TRIM10: variants seen among roughly 807,000 people sequenced by gnomAD.
The protein encoded by TRIM10 is tripartite motif-containing protein 10.
A neutral mutation model predicts 40.0 loss-of-function variants in TRIM10; 42 were observed. That is an observed-to-expected ratio of 1.05 (90% CI 0.82 to 1.36). The LOEUF is 1.36. Among genes scored for constraint, TRIM10 ranks in the 40% most tolerant of loss-of-function variants. The pLI is 0.00. For synonymous variants in TRIM10, 260 were observed against 239.5 expected, an observed-to-expected ratio of 1.09 and a Z score of -0.79; for missense variants, 601 against 608.3, an observed-to-expected ratio of 0.99 and a Z score of 0.13.
At chr6:30,159,775 C>T (rs949797938) in intron 1 of TRIM10, among the ~76,000 whole-genome samples, 5 of 151,846 alleles carry the variant, frequency 3.3e-5, no homozygotes, top group African/African-American at 1.2e-4. Flanking sequence ...GGAACAGGTA[C>T]ACACACGATA....
At position 30,153,900 on chromosome 6, in the gene TRIM10, A is replaced by G; in HGVS notation, c.*69T>C. The G allele has an allele frequency of 7.6e-6, 12 of 1,584,874 alleles. No homozygotes were observed. The highest frequency in any genetic ancestry group is 9.5e-6 in the Non-Finnish European group (11 of 1,163,620). ...AGTCATCCAGGTGATTCAGCCAGGG[A>G]TCAAGTCCACATGGTACTTGGGTTG... On this transcript the variant is annotated 3_prime_UTR_variant, in exon 7 of 7. Transcript: ENST00000449742.
At position 30,158,622 on chromosome 6, in the gene TRIM10, A is replaced by G; in HGVS notation, c.533T>C (p.Val178Ala). ...AATCACCTGTTGTCTCTTGGTGGAC[A>G]CCTGAGTCTGAGGGGGCAGGAGGCA... ...NKRMQVLLTQ[V>A]STKRQQVISE... Residue 178 changes from valine (V) to alanine (A), a missense_variant, in exon 3 of 7, where the codon GTG becomes GCG. Physicochemically the swap from Val to Ala is moderately conservative, Grantham distance 64. Transcript: ENST00000449742. 6.2e-7 allele frequency: 1 copy of G among 1,612,906 alleles called. No homozygotes were observed. Among genetic ancestry groups the G allele is most frequent in the African/African-American group, 1.3e-5 (1 of 75,030 alleles).
At chr6:30,158,693 C>T in intron 2 of TRIM10, 64 bp from the exon 3 acceptor site, 1 of 1,277,262 alleles carries the variant, frequency 7.8e-7, no homozygotes, top group Non-Finnish European at 1.1e-6. Flanking sequence ...TGCTCCTCTT[C>T]CTCCCCTGTC....
intron 5 of TRIM10, 83 bp downstream of exon 5, chr6:30,156,856 T>C: frequency 4.9e-6 from 6 of 1,232,418 alleles, no homozygotes; most frequent in Non-Finnish European, 7.2e-6. Context: ...AAGTCACACC[T>C]TTCAGCAGTG....
rs116287299 is a variant in TRIM10 at position 30,156,362 on chromosome 6, G to A, written c.895+577C>T. Among the ~76,000 whole-genome samples the A allele has an allele frequency of 5.6e-3, 859 of 152,242 alleles. 3 individuals are homozygous for A. The highest frequency in any genetic ancestry group is 0.011 in the African/African-American group (439 of 41,540). The stretch of plus-strand genomic sequence containing the variant: ...ATTCTGTCATGGTTAGTGAGGAGGT[G>A]GTTGGCAGAGAGCCATGTCCCATTC... On this transcript the variant is annotated intron_variant, in intron 5 of 6. Coordinates refer to ENST00000449742, the MANE Select transcript of TRIM10 (RefSeq NM_006778.4).
At chr6:30,157,461 T>C in intron 3 of TRIM10, 70 bp from the exon 4 acceptor site, 2 of 1,442,270 alleles carry the variant, frequency 1.4e-6, no homozygotes, top group Non-Finnish European at 1.9e-6. Flanking sequence ...TTTCTTTTTC[T>C]ACTTTTATTT....
rs11760001 is a variant in TRIM10 at position 30,153,466 on chromosome 6, T to G, written c.*503A>C. Reference sequence around the variant, plus strand: ...AGAGCTCTTTCAGATATAGAGCAGGTTTTTTTTTTCTCTATATTTTCAAGT... The same window carrying G: ...AGAGCTCTTTCAGATATAGAGCAGGGTTTTTTTTTCTCTATATTTTCAAGT... On this transcript the variant is annotated 3_prime_UTR_variant, in exon 7 of 7. Coordinates refer to ENST00000449742, the MANE Select transcript of TRIM10 (RefSeq NM_006778.4). The G allele has an allele frequency of 0.013, 6,319 of 504,258 alleles. 116 individuals carry two copies. The highest frequency in any genetic ancestry group is 0.061 in the African/African-American group (3,042 of 49,958). 31.2% of individuals were successfully genotyped at this position (504,258 alleles called of 1,614,324 possible). A position where few individuals can be genotyped will look rare whatever the true frequency, so the allele number is the denominator to read the frequency against.
Position 30,154,246 on chromosome 6 carries a change from C to T in TRIM10, c.1169G>A (p.Arg390Gln), listed in dbSNP as rs372117165. The T allele has an allele frequency of 4.8e-5, 77 of 1,613,018 alleles. No homozygotes were observed. The highest frequency in any genetic ancestry group is 9.3e-5 in the African/African-American group (7 of 75,058). Residue 390 changes from arginine to glutamine, a missense_variant, in exon 7 of 7, where the codon CGG (arginine) becomes CAG (glutamine). Physicochemically the swap from Arg to Gln is conservative, Grantham distance 43. Coordinates refer to ENST00000449742, the MANE Select transcript of TRIM10 (RefSeq NM_006778.4). ...TVGVVSEDVQ[R>Q]KGELRLRPEE... ...TGGCCGCAGCCGAAGCTCCCCCTTCCGCTGCACATCCTCGCTCACCACGCC... is the reference window on the plus strand; with the variant it reads ...TGGCCGCAGCCGAAGCTCCCCCTTCTGCTGCACATCCTCGCTCACCACGCC...
rs1292038561 is a variant in TRIM10 at position 30,159,207 on chromosome 6, C to G, written c.468G>C (p.Glu156Asp). Residue 156 changes from glutamate (E) to aspartate (D), a missense_variant, in exon 2 of 7, where the codon GAG becomes GAC. Glu to Asp is a conservative substitution (Grantham distance 45, BLOSUM62 2). Coordinates refer to ENST00000449742, the MANE Select transcript of TRIM10 (RefSeq NM_006778.4). ...ACTGGATTTCTTGAATCTCCTCTCT[C>G]TCTTTTCTTAGACATTTAAGACACT... is the stretch of plus-strand genomic sequence containing the variant. The part of the protein sequence containing the change: ...IHKCLKCLRK[E>D]REEIQEIQSR... 1 of 1,611,806 alleles carries G rather than the reference C, an allele frequency of 6.2e-7. No homozygotes were observed. The highest frequency in any genetic ancestry group is 1.7e-5 in the Admixed American group (1 of 60,002).
intron 1 of TRIM10, among the ~76,000 whole-genome samples, chr6:30,159,889 C>G (rs187771970): frequency 5.8e-4 from 88 of 152,258 alleles, no homozygotes; most frequent in African/African-American, 2.0e-3. Flanking sequence ...TTCATAAGCA[C>G]AATGCATAAA....
At position 30,152,216 on chromosome 6, in the gene TRIM10, G is replaced by A. The variant is rs991696805; in HGVS notation, c.*1753C>T. 5.9e-5 allele frequency: 9 copies of A among 152,066 alleles called. No individual in the cohort carries two copies. The East Asian group carries it at 1.4e-3, about 23-fold the overall frequency. 9.4% of individuals were successfully genotyped at this position (152,066 alleles called of 1,614,324 possible). ...TGAACTGGTTGCATGATCTTGGCTC[G>A]TTACCAAGATAAAGTGACACAAGGT... is the stretch of plus-strand genomic sequence containing the variant. On this transcript the variant is annotated 3_prime_UTR_variant, in exon 7 of 7. Transcript: ENST00000449742.
upstream of TRIM10, among the ~76,000 whole-genome samples, chr6:30,163,053 C>T (rs1773261715): frequency 6.6e-6 from 1 of 152,048 alleles, no homozygotes; most frequent in Non-Finnish European, 1.5e-5. Flanking sequence ...GTAGGAGGGG[C>T]CACCATGGGC....
chr6:30,157,236 G>T, intron 4 of TRIM10, 133 bp downstream of exon 4: 1 of 1,119,072 alleles, frequency 8.9e-7, no homozygotes, highest in Non-Finnish European at 1.3e-6. Flanking sequence ...AGGCATTTGG[G>T]TATATAGAGG....
At chr6:30,154,639 G>A (rs1445003046) in intron 6 of TRIM10, 153 bp from the exon 7 acceptor site, 8 of 902,944 alleles carry the variant, frequency 8.9e-6, no homozygotes, top group Non-Finnish European at 1.4e-5. Flanking sequence ...AACCACCTGG[G>A]AACTTGTTAG....
rs2127435387 is a variant in TRIM10, at chr6:30,153,879, A to G, written c.*90T>C. On this transcript the variant is annotated 3_prime_UTR_variant, in exon 7 of 7. Transcript: ENST00000449742. ...AAAGCAGTCATTTCTATTCCAAGTC[A>G]TCCAGGTGATTCAGCCAGGGATCAA... 1 of 1,591,820 alleles carries G rather than the reference A, an allele frequency of 6.3e-7. No individual in the cohort carries two copies. The highest frequency in any genetic ancestry group is 8.6e-7 in the Non-Finnish European group (1 of 1,166,860).
upstream of TRIM10, among the ~76,000 whole-genome samples, chr6:30,162,675 C>A (rs1399522830): frequency 6.6e-6 from 1 of 152,080 alleles, no homozygotes; most frequent in Non-Finnish European, 1.5e-5. Context: ...CTGGGATCGT[C>A]CTTAACGTGA....
intron 6 of TRIM10, among the ~76,000 whole-genome samples, chr6:30,155,223 G>A (rs1379191760): frequency 1.3e-5 from 2 of 152,106 alleles, no homozygotes; most frequent in Non-Finnish European, 2.9e-5. Context: ...CCTTGAAGGG[G>A]TCCATTCTGT....
At chr6:30,161,984 C>T (rs1354753107), upstream of TRIM10, among the ~76,000 whole-genome samples, 1 of 151,978 alleles carries the variant, frequency 6.6e-6, no homozygotes, top group Non-Finnish European at 1.5e-5. Context: ...CCTTTGAAAT[C>T]CGGTGTGTTG....
rs546335612 is a variant in TRIM10, at chr6:30,154,176, C to T, written c.1239G>A (p.Ser413=). 348 of 1,611,988 alleles carry T rather than the reference C, an allele frequency of 2.2e-4. 5 individuals carry two copies. In the South Asian group the frequency reaches 3.4e-3, roughly 16 times the overall value. The change falls in exon 7 of 7, where the codon TCG becomes TCA. Residue 413 remains serine, a synonymous_variant. Transcript: ENST00000449742. ...GCCGTGTGGGGAAGGAGCCCAGAGC[C>T]GAGACGAAGCCCCAAGCCAGCCTCA... ...WAVRLAWGFV[S]ALGSFPTRLT...
Sources: gnomAD v4.1 joint callset for allele counts (sites outside exome capture counted in the v4.1 genomes callset) on GRCh38, gnomAD v4.1.1 for gene constraint, MANE v1.5 for transcripts, NCBI Gene and HGNC (gene_info 2026-07-23, HGNC 2026-07-21) for gene names.